SLC19A3: variants seen among roughly 807,000 people sequenced by gnomAD.
The protein encoded by SLC19A3 is thiamine transporter 2.
SLC19A3 carries 31 observed loss-of-function variants against 40.2 expected under a neutral mutation model. The ratio of observed to expected loss-of-function variants is 0.77; its 90% confidence interval spans 0.58 to 1.04. SLC19A3 has a LOEUF of 1.04. Ranked by LOEUF, SLC19A3 falls within the 50% of genes least tolerant of loss-of-function variation. The probability of loss-of-function intolerance (pLI) is 0.00; values close to 1 mark genes in which losing one functional copy is unlikely to be tolerated. For missense variants in SLC19A3, 592 were observed against 596.7 expected (o/e 0.99, Z 0.08); for synonymous variants, 212 against 227.5 (o/e 0.93, Z 0.61).
Position 227,698,738 on chromosome 2 carries a change from C to T in SLC19A3, c.977G>A (p.Gly326Glu), listed in dbSNP as rs747823282. The part of the protein sequence containing the change: ...NGAVEAIATF[G>E]GAVAAFAVGY... Reference sequence around the variant, plus strand: ...AAGATTAAGTGACATTTGCTTACCTCCAAAGGTTGCAATAGCTTCTACGGC... The same window carrying T: ...AAGATTAAGTGACATTTGCTTACCTTCAAAGGTTGCAATAGCTTCTACGGC... The change falls in exon 3 of 6, where the codon GGA becomes GAA. Residue 326 changes from glycine to glutamate, a missense_variant and splice_region_variant. Physicochemically the swap from Gly to Glu is moderately conservative, Grantham distance 98. Coordinates refer to ENST00000644224, the MANE Select transcript of SLC19A3 (RefSeq NM_025243.4). The T allele has an allele frequency of 6.2e-7, 1 of 1,613,008 alleles. No individual in the cohort carries two copies. Among genetic ancestry groups the T allele is most frequent in the Non-Finnish European group, 8.5e-7 (1 of 1,179,634 alleles).
intron 1 of SLC19A3, chr2:227,706,310 C>G (rs1695940273): frequency 1.6e-6 from 2 of 1,231,494 alleles, no homozygotes; most frequent in Non-Finnish European, 2.0e-6. Context: ...TTTCTGAGTT[C>G]ATACCTGTGA....
intron 4 of SLC19A3, 190 bp downstream of exon 4, chr2:227,695,698 TA>T (rs1313551980): frequency 9.7e-6 from 6 of 620,578 alleles, no homozygotes; most frequent in Non-Finnish European, 1.7e-5. Context: ...TGACTTAAGG[TA>T]TATTGTAGCA....
chr2:227,717,907 C>T (rs1285702965), intron 1 of SLC19A3, 36 bp downstream of exon 1: 2 of 984,526 alleles, frequency 2.0e-6, no homozygotes. Flanking sequence ...GATGACGGTG[C>T]TTCTTCAATT....
Position 227,688,156 on chromosome 2 carries a change from T to G in SLC19A3, c.1314+10A>C. On this transcript the variant is annotated intron_variant, in intron 5 of 5. Coordinates refer to ENST00000644224, the MANE Select transcript of SLC19A3 (RefSeq NM_025243.4). ...GTTACCTAGTTGAAAACAGAAGTAT[T>G]GCAGCTTACCTGAATGCTGACTGGC... The G allele has an allele frequency of 6.2e-7, 1 of 1,614,026 alleles. No individual in the cohort carries two copies. Among genetic ancestry groups the G allele is most frequent in the Non-Finnish European group, 8.5e-7 (1 of 1,179,916 alleles).
intron 4 of SLC19A3, among the ~76,000 whole-genome samples, chr2:227,694,986 G>A (rs1346349126): frequency 1.3e-5 from 2 of 152,180 alleles, no homozygotes; most frequent in African/African-American, 4.8e-5. Context: ...CTTGAGCCCA[G>A]GAGATCAAGA....
chr2:227,705,659 T>C (rs62191380), intron 1 of SLC19A3, among the ~76,000 whole-genome samples: 26,580 of 151,816 alleles, frequency 0.18, 2,858 homozygotes, highest in African/African-American at 0.29. Flanking sequence ...CCAGTGGGAA[T>C]GGAATGATGA....
chr2:227,695,542 C>T (rs1695391536), intron 4 of SLC19A3: 1 of 276,402 alleles, frequency 3.6e-6, no homozygotes, highest in African/African-American at 2.2e-5. Context: ...GTCAAGGCTG[C>T]ATTGAGTCCT....
At chr2:227,712,804 A>G (rs1696185965) in intron 1 of SLC19A3, among the ~76,000 whole-genome samples, 1 of 51,602 alleles carries the variant, frequency 1.9e-5, no homozygotes, top group Non-Finnish European at 5.6e-5. Flanking sequence ...GTGCCAAGGA[A>G]TCCAGACACA....
chr2:227,700,931 G>A, intron 2 of SLC19A3: 1 of 1,301,098 alleles, frequency 7.7e-7, no homozygotes, highest in Non-Finnish European at 1.0e-6. Context: ...CTGGATCACT[G>A]AGGTTGCTGG....
In SLC19A3 at chr2:227,699,280, G is replaced by T. The variant is rs76517176; in HGVS notation, c.435C>A (p.Ser145Arg). 1 of 1,613,928 alleles carries T rather than the reference G, an allele frequency of 6.2e-7. No homozygotes were observed. The highest frequency in any genetic ancestry group is 8.5e-7 in the Non-Finnish European group (1 of 1,179,958). Residue 145 changes from serine (S) to arginine (R), a missense_variant, in exon 3 of 6, where the codon AGC (serine) becomes AGA (arginine). Physicochemically the swap from Ser to Arg is moderately radical, Grantham distance 110 (BLOSUM62 -1). Coordinates refer to ENST00000644224, the MANE Select transcript of SLC19A3 (RefSeq NM_025243.4). ...HYQRVSGYCR[S>R]VTLAAYTAGS... is the part of the protein sequence containing the mutation. ...CTGCTGTGTAGGCGGCCAGCGTGAC[G>T]CTCCTGCAGTAGCCGCTCACTCTCT...
At chr2:227,709,393 G>A (rs900070164) in intron 1 of SLC19A3, among the ~76,000 whole-genome samples, 26 of 152,142 alleles carry the variant, frequency 1.7e-4, no homozygotes, top group African/African-American at 5.8e-4. Context: ...ACTGAGGCAC[G>A]AGAATCACTT....
At chr2:227,706,348 T>C in intron 1 of SLC19A3, 2 of 1,231,686 alleles carry the variant, frequency 1.6e-6, no homozygotes. Context: ...TTCCCCTTCA[T>C]TTTCTGTGTG....
rs550336207 is a variant in SLC19A3, at chr2:227,705,980, C to T, written c.-2-3660G>A. On this transcript the variant is annotated intron_variant, in intron 1 of 5. Transcript: ENST00000644224. The stretch of plus-strand genomic sequence containing the variant: ...AGAGGATGACTTTAGCCCAGGAGTT[C>T]GAGGCTGCAGTGAGCTGTAATCATG... 1.1e-4 allele frequency among the ~76,000 whole-genome samples: 17 copies of T among 151,592 alleles called. No individual in the cohort carries two copies. The South Asian group carries it at 2.9e-3, about 26-fold the overall frequency.
chr2:227,713,612 C>T (rs58639885), intron 1 of SLC19A3, among the ~76,000 whole-genome samples: 7,584 of 152,020 alleles, frequency 0.05, 225 homozygotes, highest in East Asian at 0.14. Flanking sequence ...GTGATACCTG[C>T]GCCACCTTGG....
At chr2:227,717,440 A>C (rs533682117) in intron 1 of SLC19A3, among the ~76,000 whole-genome samples, 6 of 152,302 alleles carry the variant, frequency 3.9e-5, no homozygotes, top group African/African-American at 1.4e-4. Flanking sequence ...TTGATGACTT[A>C]GGTATCCTTT....
intron 5 of SLC19A3, 80 bp from the exon 6 acceptor site, chr2:227,687,653 T>C: frequency 6.7e-7 from 1 of 1,493,198 alleles, no homozygotes; most frequent in Non-Finnish European, 9.2e-7. Flanking sequence ...ACTGTTGGTT[T>C]GCTTGGATTA....
At chr2:227,697,110 T>A (rs1263946934) in intron 3 of SLC19A3, among the ~76,000 whole-genome samples, 1 of 152,010 alleles carries the variant, frequency 6.6e-6, no homozygotes, top group South Asian at 2.1e-4. Context: ...AATTACTACA[T>A]TGACATATGA....
intron 1 of SLC19A3, among the ~76,000 whole-genome samples, chr2:227,708,382 T>C (rs1696022705): frequency 6.6e-6 from 1 of 152,202 alleles, no homozygotes; most frequent in Admixed American, 6.5e-5. Context: ...TCTTCTTTTA[T>C]TTCAATTATT....
intron 4 of SLC19A3, among the ~76,000 whole-genome samples, chr2:227,690,868 A>C (rs1319999187): frequency 6.6e-6 from 1 of 152,076 alleles, no homozygotes; most frequent in Non-Finnish European, 1.5e-5. Flanking sequence ...GATCTTCCAG[A>C]GAGAAAATCA....
Sources: gnomAD v4.1 joint callset for allele counts (sites outside exome capture counted in the v4.1 genomes callset) on GRCh38, gnomAD v4.1.1 for gene constraint, MANE v1.5 for transcripts, NCBI Gene and HGNC (gene_info 2026-07-23, HGNC 2026-07-21) for gene names.